Variants in GRIP1 observed in about 807,000 individuals in gnomAD.
GRIP1 encodes glutamate receptor interacting protein 1, also known as glutamate receptor-interacting protein 1.
GRIP1 carries 45 observed loss-of-function variants against 129.9 expected under a neutral mutation model. The ratio of observed to expected loss-of-function variants is 0.35; its 90% confidence interval spans 0.27 to 0.44. The LOEUF is 0.44. GRIP1 is among the 20% of genes least tolerant of loss of function. The pLI, the probability that GRIP1 is intolerant of heterozygous loss-of-function variation, is 1.00. For missense variants in GRIP1, 1,196 were observed against 1,396.8 expected (o/e 0.86, Z 2.29); for synonymous variants, 530 against 520.8 (o/e 1.02, Z -0.24).
chr12:66,517,086 A>C (rs1461789467), intron 6 of GRIP1, among the ~76,000 whole-genome samples: 1 of 152,168 alleles, frequency 6.6e-6, no homozygotes, highest in African/African-American at 2.4e-5. Flanking sequence ...CTATCTCTTA[A>C]CAAAGGTTTT....
intron 2 of GRIP1, among the ~76,000 whole-genome samples, chr12:66,549,605 G>A (rs1358154409): frequency 6.6e-6 from 1 of 152,094 alleles, no homozygotes; most frequent in African/African-American, 2.4e-5. Flanking sequence ...GATCAAAGCT[G>A]GGTTTCTGTG....
intron 6 of GRIP1, among the ~76,000 whole-genome samples, chr12:66,516,269 G>C (rs921310851): frequency 1.2e-4 from 18 of 152,040 alleles, no homozygotes; most frequent in African/African-American, 4.4e-4. Context: ...TAATTCAATT[G>C]ATTCGATCTC....
At chr12:67,006,703 G>GTC (rs2042632502) in intron 1 of GRIP1, among the ~76,000 whole-genome samples, 1 of 152,230 alleles carries the variant, frequency 6.6e-6, no homozygotes, top group Non-Finnish European at 1.5e-5. Flanking sequence ...AAGGGAGCAG[G>GTC]CTCCAAAGGG....
intron 1 of GRIP1, among the ~76,000 whole-genome samples, chr12:66,666,679 C>T (rs940140193): frequency 1.3e-5 from 2 of 152,068 alleles, no homozygotes; most frequent in South Asian, 2.1e-4. Context: ...CACAGCTTCT[C>T]GACTTTCACA....
intron 16 of GRIP1, among the ~76,000 whole-genome samples, chr12:66,399,717 A>G (rs1426470944): frequency 6.6e-6 from 1 of 151,948 alleles, no homozygotes; most frequent in Non-Finnish European, 1.5e-5. Flanking sequence ...AATGAATGCT[A>G]TCTGGCTTGA....
intron 1 of GRIP1, among the ~76,000 whole-genome samples, chr12:66,901,945 T>G (rs1345192235): frequency 2.6e-5 from 4 of 152,242 alleles, no homozygotes; most frequent in Admixed American, 2.6e-4. Context: ...CAAAAAACTT[T>G]AAGTATTTCT....
intron 1 of GRIP1, among the ~76,000 whole-genome samples, chr12:66,915,580 T>C (rs948041040): frequency 3.3e-5 from 5 of 152,256 alleles, no homozygotes; most frequent in African/African-American, 1.2e-4. Context: ...CACTGCTGTC[T>C]GTCATCAGCC....
intron 1 of GRIP1, among the ~76,000 whole-genome samples, chr12:66,651,363 C>A (rs1029346930): frequency 6.6e-6 from 1 of 152,166 alleles, no homozygotes; most frequent in East Asian, 1.9e-4. Flanking sequence ...GGAGGAGAGG[C>A]ATCAGCAAAA....
intron 1 of GRIP1, among the ~76,000 whole-genome samples, chr12:66,727,553 A>C (rs1318839342): frequency 6.6e-6 from 1 of 152,200 alleles, no homozygotes; most frequent in East Asian, 1.9e-4. Flanking sequence ...TGAGAAAAAC[A>C]AATGGAGGCT....
At chr12:66,731,530 T>C (rs1345487092) in intron 1 of GRIP1, among the ~76,000 whole-genome samples, 1 of 152,164 alleles carries the variant, frequency 6.6e-6, no homozygotes, top group East Asian at 1.9e-4. Flanking sequence ...ATCTGCCTTA[T>C]TTAATCATTG....
Position 66,539,206 on chromosome 12 carries a change from A to C in GRIP1, c.290T>G (p.Val97Gly). 6.2e-7 allele frequency: 1 copy of C among 1,614,062 alleles called. No homozygotes were observed. Among genetic ancestry groups the C allele is most frequent in the Non-Finnish European group, 8.5e-7 (1 of 1,179,932 alleles). ...ATTCACTGCTTTGATGTAGTCACCCACATCCAGCTGGTCACTTCTGCAAAA... is the reference window on the plus strand; with the variant it reads ...ATTCACTGCTTTGATGTAGTCACCCCCATCCAGCTGGTCACTTCTGCAAAA... ...GIAARSDQLD[V>G]GDYIKAVNGI... The change falls in exon 4 of 25, where the codon GTG becomes GGG. Residue 97 changes from valine to glycine, a missense_variant. Coordinates refer to ENST00000359742, the MANE Select transcript of GRIP1 (RefSeq NM_001366722.1).
intron 13 of GRIP1, among the ~76,000 whole-genome samples, chr12:66,436,151 T>C (rs1283415455): frequency 6.6e-6 from 1 of 152,252 alleles, no homozygotes; most frequent in Non-Finnish European, 1.5e-5. Flanking sequence ...ATGCTATAAT[T>C]AAAAACACAT....
At chr12:66,530,713 T>C (rs2061409976) in intron 4 of GRIP1, among the ~76,000 whole-genome samples, 1 of 133,666 alleles carries the variant, frequency 7.5e-6, no homozygotes, top group African/African-American at 3.1e-5. Flanking sequence ...CTAGTTGTAC[T>C]ATATACACCA....
At chr12:66,436,040 G>T (rs1048566694) in intron 13 of GRIP1, among the ~76,000 whole-genome samples, 2 of 152,284 alleles carry the variant, frequency 1.3e-5, no homozygotes, top group Admixed American at 1.3e-4. Context: ...AAAACAGCAG[G>T]TTTAGAGGAA....
At chr12:66,536,046 A>G (rs1401576168) in intron 4 of GRIP1, among the ~76,000 whole-genome samples, 2 of 152,118 alleles carry the variant, frequency 1.3e-5, no homozygotes, top group Non-Finnish European at 2.9e-5. Context: ...CCAGCTGCTC[A>G]TGCTCAAAAC....
intron 1 of GRIP1, among the ~76,000 whole-genome samples, chr12:66,946,302 T>C (rs1034340436): frequency 6.6e-6 from 1 of 152,098 alleles, no homozygotes; most frequent in Admixed American, 6.5e-5. Context: ...TCAAATCAAT[T>C]CCAGGCCCAG....
intron 14 of GRIP1, among the ~76,000 whole-genome samples, chr12:66,427,016 C>T (rs773558048): frequency 8.5e-5 from 13 of 152,062 alleles, no homozygotes; most frequent in Admixed American, 3.9e-4. Flanking sequence ...ACTTCGGAGT[C>T]GGAGAAGGCA....
At chr12:66,960,937 G>A (rs887737183) in intron 1 of GRIP1, among the ~76,000 whole-genome samples, 7 of 150,424 alleles carry the variant, frequency 4.7e-5, no homozygotes, top group African/African-American at 1.7e-4. Flanking sequence ...TCAGTAGTCA[G>A]CTCCCTCCCC....
intron 9 of GRIP1, among the ~76,000 whole-genome samples, chr12:66,457,035 A>G (rs1367934009): frequency 6.6e-6 from 1 of 152,114 alleles, no homozygotes; most frequent in Non-Finnish European, 1.5e-5. Context: ...ACGTTTTTAT[A>G]TTTCCTTGAT....
Sources: gnomAD v4.1 joint callset for allele counts (sites outside exome capture counted in the v4.1 genomes callset) on GRCh38, gnomAD v4.1.1 for gene constraint, MANE v1.5 for transcripts, NCBI Gene and HGNC (gene_info 2026-07-23, HGNC 2026-07-21) for gene names.